The following ZNF503 variants were observed in gnomAD, a reference collection of about 807,000 sequenced individuals.
The protein encoded by ZNF503 is NocA-like zinc finger 2.
A neutral mutation model predicts 34.4 loss-of-function variants in ZNF503; 15 were observed. The ratio of observed to expected loss-of-function variants is 0.44; its 90% CI spans 0.29 to 0.67. The LOEUF (loss-of-function observed/expected upper bound fraction) is 0.67, where lower values mean the gene tolerates loss of function less well. Ranked by LOEUF, ZNF503 falls within the 30% of genes least tolerant of loss-of-function variation. The probability of loss-of-function intolerance (pLI) is 0.13; values close to 1 mark genes in which losing one functional copy is unlikely to be tolerated. For missense variants in ZNF503, 1,007 were observed against 926.8 expected (o/e 1.09, Z -1.12); for synonymous variants, 580 against 456.8 (o/e 1.27, Z -3.44).
the ZNF503 span, among the ~76,000 whole-genome samples, chr10:75,324,311 T>G: frequency 7.5e-6 from 1 of 133,060 alleles, no homozygotes; most frequent in Non-Finnish European, 1.6e-5. Context: ...TCCTTTTTTT[T>G]GTTTGTTTGT....
chr10:75,356,318 G>A, the ZNF503 span, among the ~76,000 whole-genome samples: 3 of 152,166 alleles, frequency 2.0e-5, no homozygotes, highest in Admixed American at 6.5e-5. Flanking sequence ...TCAGGTTCAC[G>A]CCATTCTCCT....
chr10:75,400,877 A>G (rs1843792425), intron 1 of ZNF503: 3 of 666,308 alleles, frequency 4.5e-6, no homozygotes, highest in Admixed American at 3.0e-5. Context: ...TTTCATATCG[A>G]AAGGAGAAAC....
chr10:75,281,785 C>T, the ZNF503 span, among the ~76,000 whole-genome samples: 1 of 152,214 alleles, frequency 6.6e-6, no homozygotes, highest in East Asian at 1.9e-4. Flanking sequence ...TCCACTCACA[C>T]ATAGATCCAT....
At chr10:75,377,862 G>T in the ZNF503 span, among the ~76,000 whole-genome samples, 73,961 of 151,974 alleles carry the variant, frequency 0.49, 19,571 homozygotes, top group South Asian at 0.62. Flanking sequence ...AGTTTTATTG[G>T]CTCACAGTTT....
the ZNF503 span, among the ~76,000 whole-genome samples, chr10:75,385,108 G>A: frequency 6.6e-6 from 1 of 152,176 alleles, no homozygotes; most frequent in East Asian, 1.9e-4. Flanking sequence ...AGAGCCTAGG[G>A]GAGGGACAAA....
At chr10:75,289,831 G>A in the ZNF503 span, among the ~76,000 whole-genome samples, 1 of 152,142 alleles carries the variant, frequency 6.6e-6, no homozygotes, top group Non-Finnish European at 1.5e-5. Context: ...CTCCCGAAGT[G>A]CTGGGAATAC....
chr10:75,336,671 G>A, the ZNF503 span, among the ~76,000 whole-genome samples: 1 of 152,168 alleles, frequency 6.6e-6, no homozygotes, highest in African/African-American at 2.4e-5. Flanking sequence ...GATCTCACAA[G>A]GCCAAAATCA....
At chr10:75,354,659 A>T in the ZNF503 span, among the ~76,000 whole-genome samples, 4 of 152,250 alleles carry the variant, frequency 2.6e-5, no homozygotes, top group Non-Finnish European at 5.9e-5. Flanking sequence ...GCAGTAAGTT[A>T]TGATCATGCC....
the ZNF503 span, among the ~76,000 whole-genome samples, chr10:75,294,755 G>A: frequency 1.6e-5 from 2 of 122,078 alleles, no homozygotes; most frequent in Non-Finnish European, 1.6e-5. Flanking sequence ...CGGGGAGCCC[G>A]GAGAGAAAGA....
chr10:75,281,672 C>T, the ZNF503 span, among the ~76,000 whole-genome samples: 5 of 152,166 alleles, frequency 3.3e-5, no homozygotes, highest in African/African-American at 7.2e-5. Context: ...CCCAGGCACA[C>T]TGGTTTCCAG....
the ZNF503 span, among the ~76,000 whole-genome samples, chr10:75,285,721 T>C: frequency 1.3e-5 from 2 of 152,178 alleles, no homozygotes; most frequent in Non-Finnish European, 2.9e-5. Flanking sequence ...TTTATTTTCC[T>C]GAAGAGCTGG....
chr10:75,400,858 G>A, intron 1 of ZNF503: 1 of 636,480 alleles, frequency 1.6e-6, no homozygotes, highest in South Asian at 1.9e-5. Flanking sequence ...CCTGGGTCGG[G>A]GTAGGGGCTT....
the ZNF503 span, among the ~76,000 whole-genome samples, chr10:75,297,499 T>C: frequency 2.0e-5 from 3 of 152,230 alleles, no homozygotes; most frequent in Admixed American, 6.5e-5. Context: ...TTTCAGTAGC[T>C]GTATTTGTGG....
rs765246409 is a variant in ZNF503, at chr10:75,400,082, C to T, written c.608G>A (p.Gly203Glu). Reference sequence around the variant, plus strand: ...TCCCGACTTCTCCGACGAAACACCCCCGCCGCCGCCCCCGCCACCGCCACC... The same window carrying T: ...TCCCGACTTCTCCGACGAAACACCCTCGCCGCCGCCCCCGCCACCGCCACC... ...GGGGGGGGGG[G>E]GVSSEKSGFR... The change falls in exon 2 of 2, where the codon GGG (glycine) becomes GAG (glutamate). Residue 203 changes from glycine to glutamate, a missense_variant. By Grantham distance (98) the Gly-to-Glu change is moderately conservative (BLOSUM62 -2). Coordinates refer to ENST00000372524, the MANE Select transcript of ZNF503 (RefSeq NM_032772.6). 44 of 1,545,552 alleles carry T rather than the reference C, an allele frequency of 2.8e-5. No homozygotes were observed. Among genetic ancestry groups the T allele is most frequent in the African/African-American group, 1.9e-4 (14 of 72,942 alleles).
the ZNF503 span, chr10:75,373,396 A>G: frequency 3.3e-5 from 5 of 152,208 alleles, no homozygotes; most frequent in East Asian, 1.9e-4. Flanking sequence ...TTACAGATAT[A>G]TCTCCTGAGA....
chr10:75,340,445 A>G, the ZNF503 span, among the ~76,000 whole-genome samples: 2 of 152,238 alleles, frequency 1.3e-5, no homozygotes, highest in African/African-American at 4.8e-5. Context: ...CAAGTGCACA[A>G]AGATCAGCAT....
intron 1 of ZNF503, 46 bp from the exon 2 acceptor site, chr10:75,400,420 G>A (rs1843781856): frequency 6.4e-7 from 1 of 1,552,674 alleles, no homozygotes; most frequent in Non-Finnish European, 8.7e-7. Context: ...AGAGAAAGAA[G>A]TGGAAACCCT....
the ZNF503 span, among the ~76,000 whole-genome samples, chr10:75,304,777 G>A: frequency 5.8e-4 from 88 of 152,120 alleles, no homozygotes; most frequent in African/African-American, 2.0e-3. Context: ...AGAAAAGATT[G>A]GAGAAAAAAA....
chr10:75,314,384 C>T, the ZNF503 span, among the ~76,000 whole-genome samples: 1 of 152,018 alleles, frequency 6.6e-6, no homozygotes, highest in South Asian at 2.1e-4. Context: ...AATTCTGAGG[C>T]TGAAGAATAC....
Sources: gnomAD v4.1 joint callset for allele counts (sites outside exome capture counted in the v4.1 genomes callset) on GRCh38, gnomAD v4.1.1 for gene constraint, MANE v1.5 for transcripts, NCBI Gene and HGNC (gene_info 2026-07-23, HGNC 2026-07-21) for gene names.